CDC16: variants seen among roughly 807,000 people sequenced by gnomAD.
CDC16 encodes the protein cell division cycle protein 16 homolog.
Under a neutral mutation model 87.0 loss-of-function variants are expected in CDC16, and 34 were observed. The observed-to-expected ratio is 0.39, with a 90% CI of 0.30 to 0.52. The LOEUF (loss-of-function observed/expected upper bound fraction) is 0.52, where lower values mean the gene tolerates loss of function less well. Among genes scored for constraint, CDC16 ranks in the 20% least tolerant of loss-of-function variants. The probability of loss-of-function intolerance (pLI) is 0.74; values close to 1 mark genes in which losing one functional copy is unlikely to be tolerated. For missense variants in CDC16, 653 were observed against 751.9 expected (o/e 0.87, Z 1.54); for synonymous variants, 263 against 260.6 (o/e 1.01, Z -0.09).
At chr13:114,236,314 A>T (rs1252187243) in intron 1 of CDC16, among the ~76,000 whole-genome samples, 1 of 152,262 alleles carries the variant, frequency 6.6e-6, no homozygotes, top group Non-Finnish European at 1.5e-5. Context: ...TAAATCACAC[A>T]TGAATTGTTA....
chr13:114,242,093 A>C, intron 5 of CDC16, 28 bp from the exon 6 acceptor site: 1 of 1,581,476 alleles, frequency 6.3e-7, no homozygotes, highest in Non-Finnish European at 8.6e-7. Context: ...GTACTGACTT[A>C]ATATGTGACT....
chr13:114,251,444 T>A (rs1485530309), intron 12 of CDC16, among the ~76,000 whole-genome samples: 2 of 152,246 alleles, frequency 1.3e-5, no homozygotes, highest in Non-Finnish European at 2.9e-5. Flanking sequence ...TAGAAAGCAC[T>A]CAGTGAAAGT....
intron 9 of CDC16, among the ~76,000 whole-genome samples, chr13:114,245,430 A>T (rs2081813999): frequency 6.6e-6 from 1 of 152,054 alleles, no homozygotes; most frequent in Non-Finnish European, 1.5e-5. Context: ...AATTTTTCTA[A>T]ACTGAATGGT....
intron 8 of CDC16, 156 bp from the exon 9 acceptor site, chr13:114,244,734 A>C (rs2081753138): frequency 4.4e-6 from 2 of 452,098 alleles, no homozygotes; most frequent in Non-Finnish European, 8.0e-6. Flanking sequence ...TATGGCCTTA[A>C]CTGAATCAAC....
At chr13:114,242,095 T>A (rs751165402) in intron 5 of CDC16, 26 bp from the exon 6 acceptor site, 1 of 1,586,722 alleles carries the variant, frequency 6.3e-7, no homozygotes, top group Non-Finnish European at 8.5e-7. Flanking sequence ...ACTGACTTAA[T>A]ATGTGACTCA....
intron 17 of CDC16, among the ~76,000 whole-genome samples, chr13:114,267,311 A>C (rs965988368): frequency 1.3e-5 from 2 of 151,138 alleles, no homozygotes; most frequent in East Asian, 2.0e-4. Flanking sequence ...AACATGGTGA[A>C]ACCCTGCCCC....
intron 5 of CDC16, among the ~76,000 whole-genome samples, chr13:114,241,657 TTG>T (rs1289520954): frequency 6.6e-5 from 10 of 152,350 alleles, no homozygotes; most frequent in Middle Eastern, 3.4e-3. Context: ...TGTGCATTTT[TTG>T]TGTGTTTTTA....
intron 15 of CDC16, among the ~76,000 whole-genome samples, chr13:114,262,460 GA>G (rs2082914419): frequency 6.6e-6 from 1 of 152,196 alleles, no homozygotes; most frequent in Non-Finnish European, 1.5e-5. Flanking sequence ...AAGTATTCCA[GA>G]GAACTTTAAG....
At chr13:114,249,003 A>C (rs958846883) in intron 11 of CDC16, among the ~76,000 whole-genome samples, 9 of 151,912 alleles carry the variant, frequency 5.9e-5, no homozygotes, top group African/African-American at 2.2e-4. Context: ...TGATGATTCA[A>C]GCGCATTACA....
intron 13 of CDC16, among the ~76,000 whole-genome samples, chr13:114,258,766 A>G (rs926674355): frequency 3.3e-5 from 5 of 152,192 alleles, no homozygotes; most frequent in African/African-American, 4.8e-5. Flanking sequence ...CCGCGGTTCA[A>G]TATTTGCTAA....
At chr13:114,244,855 G>GT (rs753673010) in intron 8 of CDC16, 35 bp from the exon 9 acceptor site, 10 of 1,434,870 alleles carry the variant, frequency 7.0e-6, no homozygotes, top group African/African-American at 1.4e-5. Flanking sequence ...TCACCTGCTG[G>GT]TTTGGGGGTA....
In CDC16 at chr13:114,235,094, G is replaced by A. The variant is rs9590491; in HGVS notation, c.10G>A (p.Glu4Lys). ...CCGGGCCCGCGCCGCCATGAACCTA[G>A]AGCGGCTGCGGAAGCGCGTCCGGCA... The part of the protein sequence containing the change: MNL[E>K]RLRKRVRQYL... Residue 4 changes from glutamate to lysine, a missense_variant, in exon 1 of 18, where the codon GAG (glutamate) becomes AAG (lysine). Coordinates refer to ENST00000356221, the MANE Select transcript of CDC16 (RefSeq NM_001078645.3). 170 of 1,245,540 alleles carry A rather than the reference G, an allele frequency of 1.4e-4. No homozygotes were observed. The highest frequency in any genetic ancestry group is 1.6e-4 in the Non-Finnish European group (160 of 995,526). 77.2% of individuals were successfully genotyped at this position (1,245,540 alleles called of 1,614,324 possible). A position where few individuals can be genotyped will look rare whatever the true frequency, so the allele number is the denominator to read the frequency against.
At chr13:114,259,993 A>C (rs1475420705) in intron 14 of CDC16, among the ~76,000 whole-genome samples, 1 of 152,256 alleles carries the variant, frequency 6.6e-6, no homozygotes. Flanking sequence ...ATATTACTTA[A>C]AAGTAGTAAC....
chr13:114,262,383 A>G (rs1179005606), intron 15 of CDC16, among the ~76,000 whole-genome samples: 9 of 152,234 alleles, frequency 5.9e-5, no homozygotes, highest in Admixed American at 3.9e-4. Flanking sequence ...ATGTATTACG[A>G]ACTTATAGCA....
chr13:114,236,942 A>G lies in CDC16; in HGVS notation c.201+46A>G. The stretch of plus-strand genomic sequence containing the variant: ...TAAAGCTCTTCAGAGCTTTAAAAAA[A>G]ATGTCATTAGTGGCCGGGCGCGGTG... On this transcript the variant is annotated intron_variant, in intron 3 of 17. Coordinates refer to ENST00000356221, the MANE Select transcript of CDC16 (RefSeq NM_001078645.3). The G allele has an allele frequency of 2.3e-6, 3 of 1,325,330 alleles. 1 individual carries two copies. The South Asian group carries it at 4.1e-5, about 18-fold the overall frequency. 82.1% of individuals were successfully genotyped at this position (1,325,330 alleles called of 1,614,324 possible). A position where few individuals can be genotyped will look rare whatever the true frequency, so the allele number is the denominator to read the frequency against.
At chr13:114,239,230 T>C (rs2081417460) in intron 4 of CDC16, 120 bp from the exon 5 acceptor site, 3 of 1,464,854 alleles carry the variant, frequency 2.0e-6, no homozygotes, top group East Asian at 4.6e-5. Flanking sequence ...AAGAAAATTC[T>C]ACTTTAGACA....
chr13:114,247,130 CCTTTCTTTTCTTTCTCTCTTT>C (rs1245381885), intron 11 of CDC16, 126 bp downstream of exon 11: 4 of 630,450 alleles, frequency 6.3e-6, no homozygotes, highest in Non-Finnish European at 1.1e-5. Flanking sequence ...TTTTTTTCTT[CCTTTCTTTTCTTTCTCTCTTT>C]CTTTCTTGCC....
At chr13:114,262,730 A>G in intron 15 of CDC16, 149 bp from the exon 16 acceptor site, 1 of 746,032 alleles carries the variant, frequency 1.3e-6, no homozygotes, top group East Asian at 2.5e-5. Context: ...ATTGAGATGC[A>G]TGAGAGTAGG....
In CDC16 at chr13:114,236,804, C is replaced by T; in HGVS notation, c.109C>T (p.Pro37Ser). 1 of 1,613,098 alleles carries T rather than the reference C, an allele frequency of 6.2e-7. No individual in the cohort carries two copies. The highest frequency in any genetic ancestry group is 8.5e-7 in the Non-Finnish European group (1 of 1,179,244). ...DKVASLSREE[P>S]QDIYWLAQCL... ...ATGTGAATTTTTCCCTCCAGAAGAA[C>T]CCCAGGACATCTATTGGTTGGCTCA... Residue 37 changes from proline (P) to serine (S), a missense_variant, in exon 3 of 18, where the codon CCC becomes TCC. Pro to Ser is a moderately conservative substitution (Grantham distance 74). Transcript: ENST00000356221.
Sources: allele counts gnomAD v4.1 joint callset (sites outside exome capture counted in the v4.1 genomes callset), GRCh38; gene constraint gnomAD v4.1.1; transcripts MANE v1.5; gene names NCBI Gene and HGNC (gene_info 2026-07-23, HGNC 2026-07-21).